The following MCM9 variants were observed in gnomAD, a reference collection of about 807,000 sequenced individuals.
MCM9 encodes the protein DNA helicase MCM9.
Under a neutral mutation model 72.8 loss-of-function variants are expected in MCM9, and 55 were observed. The observed-to-expected ratio is 0.76, with a 90% CI of 0.61 to 0.95. The LOEUF is 0.95. MCM9 is among the 40% of genes least tolerant of loss of function. The probability of loss-of-function intolerance (pLI) is 0.00; values close to 1 mark genes in which losing one functional copy is unlikely to be tolerated. For missense variants in MCM9, 1,279 were observed against 1,377.0 expected (o/e 0.93, Z 1.13); for synonymous variants, 480 against 503.4 (o/e 0.95, Z 0.62).
At chr6:118,832,833 C>T (rs1040951699) in intron 9 of MCM9, among the ~76,000 whole-genome samples, 2 of 152,198 alleles carry the variant, frequency 1.3e-5, no homozygotes, top group African/African-American at 4.8e-5. Context: ...CACCTATATG[C>T]TGGTACTTCC....
In MCM9 at chr6:118,865,607, C is replaced by A. The variant is rs999839790; in HGVS notation, c.1151-9062G>T. On this transcript the variant is annotated intron_variant, in intron 8 of 13. Coordinates refer to ENST00000619706, the MANE Select transcript of MCM9 (RefSeq NM_017696.3). The stretch of plus-strand genomic sequence containing the variant: ...CAAGCTGGCTTCTAATGGACTTGCA[C>A]TGGGGAGCTAACAGGGCAAACAAAT... Among the ~76,000 whole-genome samples the A allele has an allele frequency of 2.0e-5, 3 of 152,194 alleles. No individual in the cohort carries two copies. In the East Asian group the frequency reaches 5.8e-4, roughly 29 times the overall value.
intron 13 of MCM9, among the ~76,000 whole-genome samples, chr6:118,821,104 GAGCATTT>G (rs1460351425): frequency 6.6e-6 from 1 of 152,090 alleles, no homozygotes; most frequent in Admixed American, 6.5e-5. Context: ...CTTTTAATTG[GAGCATTT>G]AGCCCATTTA....
At chr6:118,895,095 A>G (rs976261261) in intron 8 of MCM9, among the ~76,000 whole-genome samples, 1 of 152,078 alleles carries the variant, frequency 6.6e-6, no homozygotes, top group African/African-American at 2.4e-5. Flanking sequence ...CGGGCTGGCC[A>G]TGCCTGGCCG....
At chr6:118,889,191 T>C (rs1778792473) in intron 8 of MCM9, among the ~76,000 whole-genome samples, 1 of 152,188 alleles carries the variant, frequency 6.6e-6, no homozygotes, top group Non-Finnish European at 1.5e-5. Context: ...AGGCACAAAT[T>C]CTACCAACCA....
At chr6:118,861,833 C>T (rs1231302780) in intron 8 of MCM9, among the ~76,000 whole-genome samples, 1 of 152,182 alleles carries the variant, frequency 6.6e-6, no homozygotes, top group African/African-American at 2.4e-5. Flanking sequence ...CTGTCCCTGG[C>T]TTGAAGGTGG....
intron 9 of MCM9, among the ~76,000 whole-genome samples, chr6:118,841,700 G>A (rs2114616585): frequency 6.6e-6 from 1 of 152,278 alleles, no homozygotes; most frequent in South Asian, 2.1e-4. Flanking sequence ...TGCCTGTCTT[G>A]TTACACGGTT....
intron 9 of MCM9, among the ~76,000 whole-genome samples, chr6:118,835,906 G>A (rs896223467): frequency 1.3e-5 from 2 of 152,186 alleles, no homozygotes; most frequent in African/African-American, 4.8e-5. Context: ...TGGTGAGAGA[G>A]GGCATCCTTG....
chr6:118,846,083 C>T (rs1775842998), intron 9 of MCM9, among the ~76,000 whole-genome samples: 1 of 151,718 alleles, frequency 6.6e-6, no homozygotes, highest in South Asian at 2.1e-4. Context: ...TAAAAGTCAA[C>T]ATTTAAGAGT....
chr6:118,848,448 T>C (rs1171432823), intron 9 of MCM9, among the ~76,000 whole-genome samples: 2 of 151,858 alleles, frequency 1.3e-5, no homozygotes, highest in Non-Finnish European at 2.9e-5. Context: ...AAAAATTTAT[T>C]GGAACACAGC....
intron 9 of MCM9, among the ~76,000 whole-genome samples, chr6:118,842,001 C>T (rs545644742): frequency 6.6e-6 from 1 of 152,074 alleles, no homozygotes; most frequent in African/African-American, 2.4e-5. Context: ...CGCCCAGGTA[C>T]TTTTTGTATT....
At chr6:118,887,765 C>A (rs1283214567) in intron 8 of MCM9, among the ~76,000 whole-genome samples, 1 of 151,968 alleles carries the variant, frequency 6.6e-6, no homozygotes, top group African/African-American at 2.4e-5. Flanking sequence ...ATAAGGAACT[C>A]TTACAACTCA....
At chr6:118,871,869 C>G (rs1262821377) in intron 8 of MCM9, among the ~76,000 whole-genome samples, 1 of 151,510 alleles carries the variant, frequency 6.6e-6, no homozygotes, top group African/African-American at 2.4e-5. Context: ...ATCGCACCAC[C>G]GAATTCCAGC....
intron 8 of MCM9, among the ~76,000 whole-genome samples, chr6:118,857,990 C>A (rs1475172918): frequency 6.6e-6 from 1 of 152,086 alleles, no homozygotes; most frequent in African/African-American, 2.4e-5. Context: ...CACTTCCCAA[C>A]TCATTTAATG....
intron 8 of MCM9, among the ~76,000 whole-genome samples, chr6:118,897,902 A>G (rs1779540692): frequency 6.6e-6 from 1 of 152,132 alleles, no homozygotes; most frequent in African/African-American, 2.4e-5. Context: ...CAACTGTAGC[A>G]AGCATCCCAT....
At chr6:118,842,988 A>C (rs1360833625) in intron 9 of MCM9, among the ~76,000 whole-genome samples, 1 of 152,212 alleles carries the variant, frequency 6.6e-6, no homozygotes. Context: ...CTTCACAAGC[A>C]TGTATTGATT....
chr6:118,870,056 G>C (rs1300702314), intron 8 of MCM9, among the ~76,000 whole-genome samples: 1 of 152,108 alleles, frequency 6.6e-6, no homozygotes, highest in East Asian at 1.9e-4. Context: ...ATAATAGTAA[G>C]TTATTTCAAC....
intron 3 of MCM9, among the ~76,000 whole-genome samples, chr6:118,929,689 T>A (rs1156666690): frequency 6.6e-6 from 1 of 152,106 alleles, no homozygotes. Flanking sequence ...ATAGGAAACA[T>A]TGGCCAGACA....
At chr6:118,913,865 T>C (rs1226576939) in intron 6 of MCM9, among the ~76,000 whole-genome samples, 8 of 152,174 alleles carry the variant, frequency 5.3e-5, no homozygotes, top group Non-Finnish European at 1.5e-5. Flanking sequence ...CCTCCCAAAG[T>C]GCTGGGATTA....
At chr6:118,883,156 A>C (rs1317802287) in intron 8 of MCM9, among the ~76,000 whole-genome samples, 1 of 152,076 alleles carries the variant, frequency 6.6e-6, no homozygotes, top group African/African-American at 2.4e-5. Context: ...TTAAAAACCA[A>C]GTAAGAATTC....
Sources: gnomAD v4.1 joint callset for allele counts (sites outside exome capture counted in the v4.1 genomes callset) on GRCh38, gnomAD v4.1.1 for gene constraint, MANE v1.5 for transcripts, NCBI Gene and HGNC (gene_info 2026-07-23, HGNC 2026-07-21) for gene names.